The following FBXW10 variants were observed in gnomAD, a reference collection of about 807,000 sequenced individuals.
The protein encoded by FBXW10 is F-box/WD repeat-containing protein 10.
FBXW10 carries 68 observed loss-of-function variants against 113.1 expected under a neutral mutation model. That is an observed-to-expected ratio of 0.60 (90% CI 0.49 to 0.74). The LOEUF (loss-of-function observed/expected upper bound fraction) is 0.74, where lower values mean the gene tolerates loss of function less well. FBXW10 is among the 30% of genes least tolerant of loss of function. The pLI, the probability that FBXW10 is intolerant of heterozygous loss-of-function variation, is 0.00. For synonymous variants in FBXW10, 289 were observed against 481.6 expected (o/e 0.60, Z 5.24); for missense variants, 753 against 1,284.5 (o/e 0.59, Z 6.32).
chr17:18,764,494 C>G (rs1358348549), intron 7 of FBXW10, among the ~76,000 whole-genome samples: 1 of 152,152 alleles, frequency 6.6e-6, no homozygotes. Flanking sequence ...GCCACTGTGC[C>G]TGACCAACGA....
intron 7 of FBXW10, among the ~76,000 whole-genome samples, chr17:18,759,183 T>C (rs1398141536): frequency 6.6e-6 from 1 of 151,760 alleles, no homozygotes; most frequent in Non-Finnish European, 1.5e-5. Flanking sequence ...AAAAACCACA[T>C]ATGTATATTT....
At chr17:18,757,368 A>G (rs1007708404) in intron 6 of FBXW10, among the ~76,000 whole-genome samples, 7 of 152,300 alleles carry the variant, frequency 4.6e-5, no homozygotes, top group Middle Eastern at 3.4e-3. Flanking sequence ...ATTTTTTTGT[A>G]GAGACGGGGT....
At chr17:18,774,422 G>T (rs541796940) in intron 12 of FBXW10, among the ~76,000 whole-genome samples, 2 of 152,180 alleles carry the variant, frequency 1.3e-5, no homozygotes, top group South Asian at 4.1e-4. Flanking sequence ...TAAACAATAT[G>T]GTGTTTGGTA....
chr17:18,765,875 C>T (rs1409480584), intron 8 of FBXW10, among the ~76,000 whole-genome samples: 5 of 151,896 alleles, frequency 3.3e-5, no homozygotes, highest in East Asian at 1.9e-4. Context: ...TACAGTCGCA[C>T]GCCACCACGC....
chr17:18,750,810 G>A (rs1311644997), intron 4 of FBXW10, 121 bp from the exon 5 acceptor site: 2 of 1,222,420 alleles, frequency 1.6e-6, no homozygotes, highest in East Asian at 5.2e-5. Flanking sequence ...GCTGCAGCCA[G>A]GGCTTACCCA....
chr17:18,778,249 TC>T (rs2035738655), intron 13 of FBXW10, among the ~76,000 whole-genome samples: 1 of 152,180 alleles, frequency 6.6e-6, no homozygotes, highest in African/African-American at 2.4e-5. Flanking sequence ...CGAGACTCCG[TC>T]TCAAAAACAA....
Position 18,778,467 on chromosome 17 carries a change from T to G in FBXW10, c.2336-8T>G, listed in dbSNP as rs780135543. The G allele has an allele frequency of 1.7e-5, 27 of 1,599,352 alleles. No homozygotes were observed. Among genetic ancestry groups the G allele is most frequent in the African/African-American group, 4.1e-5 (3 of 73,648 alleles). On this transcript the variant is annotated splice_polypyrimidine_tract_variant and splice_region_variant and intron_variant, in intron 13 of 13. Transcript: ENST00000395665. Reference sequence around the variant, plus strand: ...CGATTTTTTAAAATTTTCTTTTTTTTGAAAAAGCAGATGATGTGGAGAAAG... The same window carrying G: ...CGATTTTTTAAAATTTTCTTTTTTTGGAAAAAGCAGATGATGTGGAGAAAG...
intron 5 of FBXW10, among the ~76,000 whole-genome samples, chr17:18,755,653 A>G (rs1280419840): frequency 6.6e-6 from 1 of 152,170 alleles, no homozygotes; most frequent in African/African-American, 2.4e-5. Flanking sequence ...ACGTAGATGT[A>G]ATATACATAT....
chr17:18,746,294 G>A, intron 1 of FBXW10, among the ~76,000 whole-genome samples: 1 of 152,116 alleles, frequency 6.6e-6, no homozygotes, highest in Non-Finnish European at 1.5e-5. Flanking sequence ...TGTATCAGGA[G>A]GCAAGAGAAT....
In FBXW10 at chr17:18,750,095, G is replaced by T. The variant is rs750193700; in HGVS notation, c.957G>T (p.Leu319Phe). Residue 319 changes from leucine (L) to phenylalanine (F), a missense_variant, in exon 4 of 14, where the codon TTG becomes TTT. Physicochemically the swap from Leu to Phe is conservative, Grantham distance 22 (BLOSUM62 0). Transcript: ENST00000395665. ...AAMAQQVKMD[L>F]SAHGFIQNQI... is the part of the protein sequence containing the mutation. ...TGGCTCAACAGGTCAAGATGGACTT[G>T]TCAGCGCACGGCTTCATTCAGAACC... 1.8e-5 allele frequency: 29 copies of T among 1,612,718 alleles called. No individual in the cohort carries two copies. Among genetic ancestry groups the T allele is most frequent in the Non-Finnish European group, 2.5e-5 (29 of 1,179,470 alleles).
chr17:18,755,091 C>T (rs192096918), intron 5 of FBXW10, among the ~76,000 whole-genome samples: 3 of 148,528 alleles, frequency 2.0e-5, no homozygotes, highest in Non-Finnish European at 1.5e-5. Context: ...GGTGAAACTC[C>T]GTCGCTGCTA....
chr17:18,761,057 C>T (rs1185261504), intron 7 of FBXW10, among the ~76,000 whole-genome samples: 1 of 152,048 alleles, frequency 6.6e-6, no homozygotes, highest in Non-Finnish European at 1.5e-5. Context: ...TATAACCTGC[C>T]ACTTCCTGCA....
intron 9 of FBXW10, among the ~76,000 whole-genome samples, chr17:18,767,988 TTTTTC>T (rs1420173630): frequency 6.6e-6 from 1 of 151,970 alleles, no homozygotes; most frequent in Non-Finnish European, 1.5e-5. Flanking sequence ...TGGCCTTCTT[TTTTTC>T]TTTTATTTTT....
At chr17:18,771,444 A>AAG (rs2035611995) in intron 11 of FBXW10, among the ~76,000 whole-genome samples, 1 of 152,154 alleles carries the variant, frequency 6.6e-6, no homozygotes, top group Non-Finnish European at 1.5e-5. Flanking sequence ...GGGGCACAGG[A>AAG]AGGGGACAGG....
rs902232896 is a variant in FBXW10, at chr17:18,772,535, T to C, written c.2130T>C (p.Asn710=). The change falls in exon 12 of 14, where the codon AAT becomes AAC. Residue 710 remains asparagine, a synonymous_variant. Coordinates refer to ENST00000395665, the MANE Select transcript of FBXW10 (RefSeq NM_001267585.2). ...NKEKEEEKEE[N]SLMEILSKCN... ...AGAAAGAGGAGGAAAAAGAAGAAAA[T>C]AGTCTCATGGAAATTCTCTCTAAGT... 9 of 1,613,718 alleles carry C rather than the reference T, an allele frequency of 5.6e-6. No homozygotes were observed. The highest frequency in any genetic ancestry group is 2.7e-5 in the African/African-American group (2 of 74,812).
intron 7 of FBXW10, among the ~76,000 whole-genome samples, chr17:18,760,006 G>A (rs886979965): frequency 2.0e-5 from 3 of 152,114 alleles, no homozygotes; most frequent in African/African-American, 7.2e-5. Context: ...GTTTTTTAAA[G>A]GTATATTCTT....
intron 12 of FBXW10, 91 bp from the exon 13 acceptor site, chr17:18,775,045 C>G: frequency 1.3e-6 from 1 of 792,566 alleles, no homozygotes; most frequent in Non-Finnish European, 2.1e-6. Flanking sequence ...AAAATCAGTC[C>G]AATTATCAGC....
At position 18,744,734 on chromosome 17, in the gene FBXW10, G is replaced by A; in HGVS notation, c.490G>A (p.Glu164Lys). 1.9e-6 allele frequency: 3 copies of A among 1,613,624 alleles called. No individual in the cohort carries two copies. Among genetic ancestry groups the A allele is most frequent in the Non-Finnish European group, 2.5e-6 (3 of 1,179,630 alleles). ...GATCAGAGTCCTGTTTCTGAGAGAG[G>A]AGAACAATATCTCAGGTAAACAAGG... ...NVIRVLFLRE[E>K]NNISGLNQDI... Residue 164 changes from glutamate (E) to lysine (K), a missense_variant, in exon 1 of 14, where the codon GAG (glutamate) becomes AAG (lysine). Physicochemically the swap from Glu to Lys is moderately conservative, Grantham distance 56. Transcript: ENST00000395665.
rs375390149 is a variant in FBXW10 at position 18,768,613 on chromosome 17, T to G, written c.1784T>G (p.Leu595Arg). 1.2e-5 allele frequency: 20 copies of G among 1,613,920 alleles called. No homozygotes were observed. The highest frequency in any genetic ancestry group is 1.7e-5 in the Non-Finnish European group (20 of 1,179,920). Residue 595 changes from leucine (L) to arginine (R), a missense_variant, in exon 10 of 14, where the codon CTG becomes CGG. Physicochemically the swap from Leu to Arg is moderately radical, Grantham distance 102. Transcript: ENST00000395665. ...WHLLSGSTDG[L>R]VMAWSMVGKY... Reference sequence around the variant, plus strand: ...CTCCTCTCAGGAAGTACTGATGGCCTGGTCATGGCCTGGAGCATGGTGGGG... The same window carrying G: ...CTCCTCTCAGGAAGTACTGATGGCCGGGTCATGGCCTGGAGCATGGTGGGG...
Sources: allele counts gnomAD v4.1 joint callset (sites outside exome capture counted in the v4.1 genomes callset), GRCh38; gene constraint gnomAD v4.1.1; transcripts MANE v1.5; gene names NCBI Gene and HGNC (gene_info 2026-07-23, HGNC 2026-07-21).